The following NAV2 variants were observed in gnomAD, a reference collection of about 807,000 sequenced individuals.
NAV2 encodes neuron navigator 2.
NAV2 carries 54 observed loss-of-function variants against 223.2 expected under a neutral mutation model. The ratio of observed to expected loss-of-function variants is 0.24; its 90% CI spans 0.19 to 0.30. NAV2 has a LOEUF of 0.30. NAV2 is among the 10% of genes least tolerant of loss of function. The pLI is 1.00. For missense variants in NAV2, 2,806 were observed against 3,147.5 expected, an observed-to-expected ratio of 0.89 and a Z score of 2.60; for synonymous variants, 1,279 against 1,239.3, an observed-to-expected ratio of 1.03 and a Z score of -0.67.
chr11:19,411,593 G>A (rs1401013952), intron 1 of NAV2, among the ~76,000 whole-genome samples: 1 of 152,126 alleles, frequency 6.6e-6, no homozygotes, highest in Admixed American at 6.5e-5. Flanking sequence ...TAAGGGATAG[G>A]GATTGGGGAG....
rs2056979595 is a variant in NAV2 at position 19,784,681 on chromosome 11, T to C, written c.268-47803T>C. Among the ~76,000 whole-genome samples, 3 of 152,276 alleles carry C rather than the reference T, an allele frequency of 2.0e-5. No homozygotes were observed. The South Asian group carries it at 6.2e-4, about 32-fold the overall frequency. ...TGATCACTCCAAGTATAAGAGATAG[T>C]ATGGTGTCAGACAGACCTAGATTCA... is the stretch of plus-strand genomic sequence containing the variant. On this transcript the variant is annotated intron_variant, in intron 1 of 37. Transcript: ENST00000349880.
At chr11:19,912,312 G>A (rs944170792) in intron 6 of NAV2, among the ~76,000 whole-genome samples, 2 of 152,156 alleles carry the variant, frequency 1.3e-5, no homozygotes, top group Admixed American at 1.3e-4. Flanking sequence ...TATATCTCTT[G>A]CAAAAGTCCT....
chr11:19,373,141 C>T (rs1411037250), intron 1 of NAV2, among the ~76,000 whole-genome samples: 4 of 152,172 alleles, frequency 2.6e-5, no homozygotes, highest in African/African-American at 4.8e-5. Flanking sequence ...TCTTCTGGCT[C>T]CTCCTCTGAA....
intron 1 of NAV2, among the ~76,000 whole-genome samples, chr11:19,638,564 G>A (rs1590750333): frequency 6.6e-6 from 1 of 152,090 alleles, no homozygotes; most frequent in African/African-American, 2.4e-5. Context: ...TATATGCAAG[G>A]TCTTATATGC....
intron 1 of NAV2, among the ~76,000 whole-genome samples, chr11:19,721,188 G>A (rs917074031): frequency 7.9e-5 from 12 of 152,194 alleles, no homozygotes; most frequent in African/African-American, 2.9e-4. Context: ...TGTTACTACT[G>A]AGTCTAAGTA....
At chr11:19,385,800 C>T (rs947223708) in intron 1 of NAV2, among the ~76,000 whole-genome samples, 9 of 130,662 alleles carry the variant, frequency 6.9e-5, no homozygotes, top group Non-Finnish European at 1.4e-4. Flanking sequence ...CTCGCTCTGT[C>T]GCCCAGGCTG....
chr11:20,015,449 A>G (rs982614811), intron 11 of NAV2, among the ~76,000 whole-genome samples: 2 of 152,336 alleles, frequency 1.3e-5, no homozygotes, highest in East Asian at 1.9e-4. Flanking sequence ...CAGCATTCCT[A>G]TACAGGCAGC....
chr11:19,346,845 GATTA>G (rs1263245374), upstream of NAV2, among the ~76,000 whole-genome samples: 1 of 152,172 alleles, frequency 6.6e-6, no homozygotes, highest in Non-Finnish European at 1.5e-5. Flanking sequence ...TTTATTGATT[GATTA>G]ATGAAAAGCT....
In NAV2 at chr11:20,074,528, T is replaced by C. The variant is rs189863497; in HGVS notation, c.4984-3024T>C. Among the ~76,000 whole-genome samples, 328 of 152,208 alleles carry C rather than the reference T, an allele frequency of 2.2e-3. 1 individual carries two copies. Among genetic ancestry groups the C allele is most frequent in the Admixed American group, 4.2e-3 (64 of 15,290 alleles). On this transcript the variant is annotated intron_variant, in intron 22 of 37. Coordinates refer to ENST00000349880, the MANE Select transcript of NAV2 (RefSeq NM_145117.5). ...TTGTTCATCTGTCTAATATTGACAG[T>C]AGGGTGTTAAAGTCTCCCACTGTTA... is the stretch of plus-strand genomic sequence containing the variant.
At chr11:19,583,253 C>A (rs1388587031) in intron 1 of NAV2, among the ~76,000 whole-genome samples, 1 of 152,174 alleles carries the variant, frequency 6.6e-6, no homozygotes, top group Non-Finnish European at 1.5e-5. Flanking sequence ...GCTGAAGTTG[C>A]TTATCAGCTT....
At chr11:19,939,887 C>A in intron 8 of NAV2, 114 bp downstream of exon 8, 1 of 594,352 alleles carries the variant, frequency 1.7e-6, no homozygotes, top group Non-Finnish European at 2.9e-6. Context: ...TTTGCATTGA[C>A]TTTGAGCTAA....
chr11:19,471,501 C>T (rs2041964329), intron 1 of NAV2, among the ~76,000 whole-genome samples: 1 of 152,138 alleles, frequency 6.6e-6, no homozygotes, highest in African/African-American at 2.4e-5. Context: ...GTAAGATTTC[C>T]TTCTCACTGG....
chr11:20,053,970 A>G (rs2058195844), intron 17 of NAV2, 110 bp from the exon 18 acceptor site: 3 of 1,178,322 alleles, frequency 2.5e-6, no homozygotes, highest in South Asian at 1.5e-5. Context: ...TTTAAAAAAA[A>G]TCATCTTCGG....
intron 10 of NAV2, among the ~76,000 whole-genome samples, chr11:19,960,363 C>G (rs957661190): frequency 4.6e-5 from 7 of 152,076 alleles, no homozygotes; most frequent in African/African-American, 1.7e-4. Context: ...TTATCTAACT[C>G]CCACACTCTG....
At position 20,049,871 on chromosome 11, in the gene NAV2, G is replaced by A; in HGVS notation, c.4406G>A (p.Cys1469Tyr). The A allele has an allele frequency of 6.2e-7, 1 of 1,614,152 alleles. No homozygotes were observed. Among genetic ancestry groups the A allele is most frequent in the East Asian group, 2.2e-5 (1 of 44,864 alleles). Residue 1469 changes from cysteine (C) to tyrosine (Y), a missense_variant, in exon 16 of 38, where the codon TGC becomes TAC. By Grantham distance (194) the Cys-to-Tyr change is radical. Transcript: ENST00000349880. ...TCCCCTGCTGCTAGCCCTAAGTTCT[G>A]CAGAAGTACTCTGCCCAGGAAACAG... ...LSSPAASPKF[C>Y]RSTLPRKQDS...
intron 11 of NAV2, among the ~76,000 whole-genome samples, chr11:20,013,954 T>A (rs2053790075): frequency 6.6e-6 from 1 of 152,236 alleles, no homozygotes; most frequent in African/African-American, 2.4e-5. Context: ...GTGACAGATG[T>A]AGGGGCTCAG....
At chr11:20,044,733 G>T (rs1476502425) in intron 13 of NAV2, among the ~76,000 whole-genome samples, 1 of 152,176 alleles carries the variant, frequency 6.6e-6, no homozygotes, top group African/African-American at 2.4e-5. Context: ...TGATTGGCTG[G>T]CTTTGCTTTA....
At chr11:20,078,554 G>A (rs1413056966) in intron 24 of NAV2, among the ~76,000 whole-genome samples, 1 of 152,130 alleles carries the variant, frequency 6.6e-6, no homozygotes, top group Non-Finnish European at 1.5e-5. Context: ...TACTTCCCGG[G>A]TTCAAGTGAT....
At chr11:19,626,345 T>A (rs1308203785) in intron 1 of NAV2, among the ~76,000 whole-genome samples, 1 of 152,196 alleles carries the variant, frequency 6.6e-6, no homozygotes, top group Non-Finnish European at 1.5e-5. Flanking sequence ...TGTAGATATG[T>A]GGGTTAATTT....
Sources: allele counts gnomAD v4.1 joint callset (sites outside exome capture counted in the v4.1 genomes callset), GRCh38; gene constraint gnomAD v4.1.1; transcripts MANE v1.5; gene names NCBI Gene and HGNC (gene_info 2026-07-23, HGNC 2026-07-21).